The following DCUN1D4 variants were observed in gnomAD, a reference collection of about 807,000 sequenced individuals.
The protein encoded by DCUN1D4 is DCN1-like protein 4.
In DCUN1D4, 22 loss-of-function variants were observed where a neutral mutation model predicts 47.9. The observed-to-expected ratio is 0.46, with a 90% CI of 0.33 to 0.66. The LOEUF (loss-of-function observed/expected upper bound fraction) is 0.66, where lower values mean the gene tolerates loss of function less well. Among genes scored for constraint, DCUN1D4 ranks in the 30% least tolerant of loss-of-function variants. The pLI is 0.02. For synonymous variants in DCUN1D4, 121 were observed against 112.2 expected (o/e 1.08, Z -0.50); for missense variants, 301 against 340.8 (o/e 0.88, Z 0.92).
chr4:51,870,690 C>T (rs1726749438), intron 3 of DCUN1D4, among the ~76,000 whole-genome samples: 1 of 152,158 alleles, frequency 6.6e-6, no homozygotes, highest in African/African-American at 2.4e-5. Flanking sequence ...CAGTATGTGC[C>T]TTTGCACGTG....
At chr4:51,905,948 A>T (rs1403221335) in intron 8 of DCUN1D4, among the ~76,000 whole-genome samples, 1 of 152,220 alleles carries the variant, frequency 6.6e-6, no homozygotes, top group Non-Finnish European at 1.5e-5. Flanking sequence ...AGAATCAGGA[A>T]GGAAACAAAG....
intron 3 of DCUN1D4, among the ~76,000 whole-genome samples, chr4:51,866,401 GA>G (rs1560470258): frequency 2.8e-4 from 33 of 118,736 alleles, no homozygotes; most frequent in African/African-American, 1.5e-3. Flanking sequence ...TGATGATGAT[GA>G]TGATGATGTA....
chr4:51,867,823 CG>C (rs1038690939), intron 3 of DCUN1D4, among the ~76,000 whole-genome samples: 2 of 152,222 alleles, frequency 1.3e-5, no homozygotes, highest in African/African-American at 4.8e-5. Flanking sequence ...GGGGATTTAC[CG>C]GGGACCCACC....
intron 6 of DCUN1D4, among the ~76,000 whole-genome samples, chr4:51,889,808 C>T (rs1730140965): frequency 1.3e-5 from 2 of 152,078 alleles, no homozygotes; most frequent in Non-Finnish European, 1.5e-5. Flanking sequence ...AACTGTAACC[C>T]CATCTTTTTG....
At chr4:51,884,333 T>G (rs1729135111) in intron 5 of DCUN1D4, 1 of 152,186 alleles carries the variant, frequency 6.6e-6, no homozygotes, top group Non-Finnish European at 1.5e-5. Context: ...AGTGAAAGTC[T>G]TGTTGTTACT....
chr4:51,914,433 A>G lies in DCUN1D4; in HGVS notation c.*849A>G, dbSNP rs1489995713. ...AATGCTTTCTTTGCCACTCTAAGTA[A>G]AATTTATTTCACCTCCTCAATGAAA... On this transcript the variant is annotated 3_prime_UTR_variant, in exon 11 of 11. Coordinates refer to ENST00000334635, the MANE Select transcript of DCUN1D4 (RefSeq NM_001040402.3). 1 of 152,374 alleles carries G rather than the reference A, an allele frequency of 6.6e-6. No individual in the cohort carries two copies. Among genetic ancestry groups the G allele is most frequent in the Admixed American group, 6.6e-5 (1 of 15,252 alleles). 9.4% of individuals were successfully genotyped at this position (152,374 alleles called of 1,614,324 possible).
At chr4:51,836,887 C>A in the DCUN1D4 span, among the ~76,000 whole-genome samples, 22 of 152,264 alleles carry the variant, frequency 1.4e-4, no homozygotes, top group South Asian at 4.4e-3. Flanking sequence ...TCCTGTACTG[C>A]CCTGAGAGGG....
At chr4:51,834,504 A>C in the DCUN1D4 span, among the ~76,000 whole-genome samples, 4 of 152,256 alleles carry the variant, frequency 2.6e-5, no homozygotes, top group East Asian at 7.8e-4. Flanking sequence ...AGATCATTAA[A>C]ATAGAATAAT....
intron 7 of DCUN1D4, among the ~76,000 whole-genome samples, chr4:51,892,871 T>C (rs1268607869): frequency 1.3e-5 from 2 of 152,250 alleles, no homozygotes; most frequent in African/African-American, 2.4e-5. Flanking sequence ...TTAGGAATAA[T>C]AGATCTTGAT....
At chr4:51,894,618 A>G (rs946459840) in intron 7 of DCUN1D4, among the ~76,000 whole-genome samples, 3 of 152,168 alleles carry the variant, frequency 2.0e-5, no homozygotes, top group Non-Finnish European at 4.4e-5. Context: ...AAGTATGTGC[A>G]CCTAGTACAC....
At chr4:51,845,164 G>A (rs2109785414) in intron 1 of DCUN1D4, 1 of 985,464 alleles carries the variant, frequency 1.0e-6, no homozygotes, top group Non-Finnish European at 1.2e-6. Flanking sequence ...CTTTAGAATG[G>A]TGTATTTAAT....
chr4:51,842,202 G>A (rs1021958240), upstream of DCUN1D4, among the ~76,000 whole-genome samples: 1 of 152,162 alleles, frequency 6.6e-6, no homozygotes, highest in African/African-American at 2.4e-5. Context: ...CCTCTCCGCG[G>A]GAGTGACAGG....
Position 51,845,441 on chromosome 4 carries a change from CTG to C in DCUN1D4, c.25+2176_25+2177del, listed in dbSNP as rs142158384. 7.2e-5 allele frequency among the ~76,000 whole-genome samples: 11 copies of C among 152,290 alleles called. No individual in the cohort carries two copies. In the East Asian group the frequency reaches 2.1e-3, roughly 29 times the overall value. ...GAAAGCAAATGAGAATAGAAGAAAACTGTAAAAAGTGGAGAACCATAAGACTT... is the reference window on the plus strand; with the variant it reads ...GAAAGCAAATGAGAATAGAAGAAAACTAAAAAGTGGAGAACCATAAGACTT... On this transcript the variant is annotated intron_variant, in intron 1 of 10. Transcript: ENST00000334635.
intron 1 of DCUN1D4, among the ~76,000 whole-genome samples, chr4:51,850,122 C>T (rs937821727): frequency 2.6e-5 from 4 of 152,118 alleles, no homozygotes; most frequent in Non-Finnish European, 4.4e-5. Flanking sequence ...CCTTAGGCCT[C>T]CTCCATATTA....
intron 8 of DCUN1D4, among the ~76,000 whole-genome samples, chr4:51,909,765 G>A (rs1199982861): frequency 6.6e-6 from 1 of 152,182 alleles, no homozygotes; most frequent in Non-Finnish European, 1.5e-5. Flanking sequence ...GGAGCCATCT[G>A]ACCTGGTCTA....
chr4:51,860,475 A>C, intron 1 of DCUN1D4: 1 of 418,080 alleles, frequency 2.4e-6, no homozygotes, highest in South Asian at 1.7e-5. Context: ...TTGCATTACT[A>C]TAAAGAAATA....
intron 1 of DCUN1D4, chr4:51,843,576 TC>T: frequency 1.9e-6 from 2 of 1,042,466 alleles, no homozygotes; most frequent in South Asian, 6.9e-5. Context: ...GATCGGAGTG[TC>T]CGGGGTGCAT....
Position 51,886,571 on chromosome 4 carries a change from CTGA to C in DCUN1D4, c.353_355del (p.Asp118del), listed in dbSNP as rs1729507537. On this transcript the variant is annotated inframe_deletion, in exon 6 of 11. Transcript: ENST00000334635. The stretch of plus-strand genomic sequence containing the variant: ...TACATAAGACTGTATTTCACAGGAA[CTGA>C]TGATGTTGTAGGCCCTGAAGGCATG... 6.2e-7 allele frequency: 1 copy of C among 1,613,476 alleles called. No homozygotes were observed. The highest frequency in any genetic ancestry group is 1.3e-5 in the African/African-American group (1 of 74,880).
At position 51,868,269 on chromosome 4, in the gene DCUN1D4, C is replaced by G. The variant is rs543800779; in HGVS notation, c.136+4560C>G. Among the ~76,000 whole-genome samples the G allele has an allele frequency of 1.2e-4, 19 of 152,178 alleles. 1 individual carries two copies. The highest frequency in any genetic ancestry group is 1.2e-3 in the South Asian group (6 of 4,832). ...CCTGGAAGGGCGAGACTCCTGCCCC[C>G]ACAGCTCAGAATGGGGTGGGGCTCC... On this transcript the variant is annotated intron_variant, in intron 3 of 10. Transcript: ENST00000334635.
Sources: gnomAD v4.1 joint callset for allele counts (sites outside exome capture counted in the v4.1 genomes callset) on GRCh38, gnomAD v4.1.1 for gene constraint, MANE v1.5 for transcripts, NCBI Gene and HGNC (gene_info 2026-07-23, HGNC 2026-07-21) for gene names.